CCSER1: variants seen among roughly 807,000 people sequenced by gnomAD.
CCSER1 encodes coiled-coil serine rich protein 1.
A neutral mutation model predicts 82.0 loss-of-function variants in CCSER1; 41 were observed. That is an observed-to-expected ratio of 0.50 (90% CI 0.39 to 0.65). The LOEUF (loss-of-function observed/expected upper bound fraction) is 0.65. Ranked by LOEUF, CCSER1 falls within the 30% of genes least tolerant of loss-of-function variation. CCSER1 has a pLI of 0.00. For synonymous variants in CCSER1, 414 were observed against 383.9 expected (o/e 1.08, Z -0.92); for missense variants, 1,119 against 1,064.2 (o/e 1.05, Z -0.72).
chr4:90,706,970 A>G (rs1337173999), intron 6 of CCSER1, among the ~76,000 whole-genome samples: 1 of 152,184 alleles, frequency 6.6e-6, no homozygotes, highest in Non-Finnish European at 1.5e-5. Flanking sequence ...GAGAAGAGGC[A>G]GGTGTCCATC....
At chr4:91,166,110 A>C (rs1161650800) in intron 10 of CCSER1, among the ~76,000 whole-genome samples, 2 of 152,270 alleles carry the variant, frequency 1.3e-5, no homozygotes, top group East Asian at 1.9e-4. Context: ...AAAAAGTTAC[A>C]GTTTTATGAG....
At chr4:91,070,947 CTT>C (rs1408935378) in intron 9 of CCSER1, among the ~76,000 whole-genome samples, 2 of 152,036 alleles carry the variant, frequency 1.3e-5, no homozygotes. Flanking sequence ...TGCTGACTCT[CTT>C]AAAATTATAG....
At chr4:90,758,390 TA>T (rs1289677147) in intron 7 of CCSER1, among the ~76,000 whole-genome samples, 2 of 152,134 alleles carry the variant, frequency 1.3e-5, no homozygotes, top group Admixed American at 6.5e-5. Flanking sequence ...TTTTTTTGAA[TA>T]AAAAACTTAA....
At chr4:90,922,035 A>G (rs1387793343) in intron 8 of CCSER1, among the ~76,000 whole-genome samples, 4 of 152,072 alleles carry the variant, frequency 2.6e-5, no homozygotes, top group Non-Finnish European at 4.4e-5. Context: ...AAAAACTTCT[A>G]CCTCACTCAT....
At chr4:91,236,209 C>T (rs942779163) in intron 10 of CCSER1, among the ~76,000 whole-genome samples, 6 of 152,198 alleles carry the variant, frequency 3.9e-5, no homozygotes, top group African/African-American at 1.2e-4. Flanking sequence ...TACTTTCAGC[C>T]GGGCGCAGTG....
intron 3 of CCSER1, among the ~76,000 whole-genome samples, chr4:90,367,992 C>G (rs1040256303): frequency 7.2e-5 from 11 of 151,864 alleles, no homozygotes; most frequent in African/African-American, 2.7e-4. Context: ...AAATGTTTAA[C>G]AGGCCTTTCC....
At chr4:90,864,325 A>G (rs1031223710) in intron 8 of CCSER1, among the ~76,000 whole-genome samples, 14 of 152,102 alleles carry the variant, frequency 9.2e-5, no homozygotes, top group African/African-American at 3.4e-4. Flanking sequence ...CCCAAAGTTC[A>G]TGTGTTGGAA....
At chr4:90,476,424 C>T (rs1578670925) in intron 5 of CCSER1, among the ~76,000 whole-genome samples, 2 of 152,078 alleles carry the variant, frequency 1.3e-5, no homozygotes, top group South Asian at 4.2e-4. Flanking sequence ...CTTAGAGGGT[C>T]GGTGGGGGCA....
intron 7 of CCSER1, among the ~76,000 whole-genome samples, chr4:90,752,318 C>A (rs1360036413): frequency 6.6e-6 from 1 of 151,972 alleles, no homozygotes. Context: ...ATATATAGTT[C>A]TTTTACAATT....
intron 4 of CCSER1, among the ~76,000 whole-genome samples, chr4:90,418,595 C>A (rs1480920362): frequency 6.6e-6 from 1 of 151,736 alleles, no homozygotes; most frequent in Admixed American, 6.6e-5. Flanking sequence ...AATAAATATC[C>A]CAGCTAGACT....
At chr4:91,333,449 G>T (rs1747096661) in intron 10 of CCSER1, among the ~76,000 whole-genome samples, 1 of 152,042 alleles carries the variant, frequency 6.6e-6, no homozygotes, top group African/African-American at 2.4e-5. Context: ...TTTAAGGCAA[G>T]AATCATGTTG....
intron 1 of CCSER1, among the ~76,000 whole-genome samples, chr4:90,142,423 C>A (rs1388860739): frequency 6.6e-6 from 1 of 152,192 alleles, no homozygotes; most frequent in Non-Finnish European, 1.5e-5. Flanking sequence ...TGCAACAATG[C>A]ATTTTTCTGT....
intron 6 of CCSER1, among the ~76,000 whole-genome samples, chr4:90,668,341 G>A (rs994890179): frequency 1.3e-5 from 2 of 152,100 alleles, no homozygotes; most frequent in African/African-American, 4.8e-5. Flanking sequence ...ATCCTTCAAT[G>A]GGGAATTAAC....
chr4:91,140,802 A>G (rs191538772), intron 10 of CCSER1, among the ~76,000 whole-genome samples: 3 of 152,186 alleles, frequency 2.0e-5, no homozygotes, highest in Non-Finnish European at 2.9e-5. Context: ...TTCTTTTATT[A>G]CTTTTTAAAT....
intron 9 of CCSER1, among the ~76,000 whole-genome samples, chr4:91,043,360 A>C (rs559758976): frequency 6.6e-6 from 1 of 152,206 alleles, no homozygotes; most frequent in East Asian, 1.9e-4. Flanking sequence ...AAGAGAAAGA[A>C]GCAATTAGAG....
intron 7 of CCSER1, among the ~76,000 whole-genome samples, chr4:90,799,708 A>G (rs1756530457): frequency 1.3e-5 from 2 of 152,168 alleles, no homozygotes; most frequent in African/African-American, 4.8e-5. Context: ...CTCCTATGGG[A>G]GCAAGTCAAA....
At chr4:91,289,012 A>G (rs1270961949) in intron 10 of CCSER1, among the ~76,000 whole-genome samples, 1 of 152,072 alleles carries the variant, frequency 6.6e-6, no homozygotes, top group Non-Finnish European at 1.5e-5. Flanking sequence ...AAGAGTGTGG[A>G]AAGAGATTTT....
intron 1 of CCSER1, among the ~76,000 whole-genome samples, chr4:90,134,816 T>A (rs1234226541): frequency 6.6e-6 from 1 of 152,232 alleles, no homozygotes; most frequent in African/African-American, 2.4e-5. Flanking sequence ...ATTTAATCAG[T>A]GTTCACATAT....
chr4:91,559,892 T>G (rs931975179), intron 10 of CCSER1, among the ~76,000 whole-genome samples: 1 of 151,364 alleles, frequency 6.6e-6, no homozygotes, highest in African/African-American at 2.4e-5. Context: ...GGCCAGTGGG[T>G]GTCATTGGTA....
Sources: gnomAD v4.1 joint callset for allele counts (sites outside exome capture counted in the v4.1 genomes callset) on GRCh38, gnomAD v4.1.1 for gene constraint, MANE v1.5 for transcripts, NCBI Gene and HGNC (gene_info 2026-07-23, HGNC 2026-07-21) for gene names.